SGCD: variants seen among roughly 807,000 people sequenced by gnomAD.
The protein encoded by SGCD is sarcoglycan delta.
Under a neutral mutation model 36.6 loss-of-function variants are expected in SGCD, and 18 were observed. The observed-to-expected ratio is 0.49, with a 90% CI of 0.34 to 0.73. The LOEUF is 0.73. SGCD is among the 30% of genes least tolerant of loss of function. The probability of loss-of-function intolerance (pLI) is 0.01; values close to 1 mark genes in which losing one functional copy is unlikely to be tolerated. For synonymous variants in SGCD, 133 were observed against 130.6 expected (o/e 1.02, Z -0.12); for missense variants, 387 against 346.7 (o/e 1.12, Z -0.92).
At chr5:156,573,220 A>G (rs1759794253) in intron 4 of SGCD, among the ~76,000 whole-genome samples, 1 of 152,158 alleles carries the variant, frequency 6.6e-6, no homozygotes, top group African/African-American at 2.4e-5. Context: ...TTAGAGTATG[A>G]AGGTCTCAGC....
intron 1 of SGCD, among the ~76,000 whole-genome samples, chr5:155,998,908 C>A: frequency 6.6e-6 from 1 of 152,120 alleles, no homozygotes; most frequent in East Asian, 1.9e-4. Context: ...TAGAAGTAAA[C>A]GTCCAAGCAG....
At chr5:156,527,401 T>G (rs1349481486) in intron 4 of SGCD, among the ~76,000 whole-genome samples, 2 of 152,230 alleles carry the variant, frequency 1.3e-5, no homozygotes, top group Non-Finnish European at 2.9e-5. Flanking sequence ...TATGAATTTT[T>G]GAAAGAGAGA....
intron 4 of SGCD, among the ~76,000 whole-genome samples, chr5:156,587,828 C>G (rs546528368): frequency 2.8e-4 from 43 of 152,084 alleles, no homozygotes; most frequent in Non-Finnish European, 5.3e-4. Context: ...TCAGGGAAGT[C>G]CCCCAAACAT....
chr5:156,339,032 G>A (rs1768507661), intron 2 of SGCD, among the ~76,000 whole-genome samples: 1 of 152,142 alleles, frequency 6.6e-6, no homozygotes, highest in Admixed American at 6.5e-5. Flanking sequence ...GAGACCATGA[G>A]GTTACAGCTC....
At chr5:155,813,139 C>T in the SGCD span, among the ~76,000 whole-genome samples, 49 of 151,560 alleles carry the variant, frequency 3.2e-4, no homozygotes, top group African/African-American at 1.1e-3. Context: ...ATCACAATGA[C>T]TATGTGGAGG....
chr5:156,754,236 C>T (rs1389778820), intron 7 of SGCD, among the ~76,000 whole-genome samples: 1 of 152,174 alleles, frequency 6.6e-6, no homozygotes, highest in African/African-American at 2.4e-5. Flanking sequence ...TCTGAAATGC[C>T]AGTCCTGCAT....
intron 3 of SGCD, among the ~76,000 whole-genome samples, chr5:156,362,062 G>A (rs1240647190): frequency 6.6e-6 from 1 of 152,234 alleles, no homozygotes; most frequent in African/African-American, 2.4e-5. Context: ...AGGACTTAGA[G>A]TAGGCTGTCT....
rs115053270 is a variant in SGCD at position 156,207,446 on chromosome 5, A to C, written c.-44+83427A>C. The stretch of plus-strand genomic sequence containing the variant: ...CTCTAATGTCTTTAATAGTTCGAAA[A>C]TGTGCTCATGATTTTAATTATACTA... On this transcript the variant is annotated intron_variant, in intron 3 of 9. Coordinates refer to the SGCD transcript ENST00000517913. Among the ~76,000 whole-genome samples the C allele has an allele frequency of 5.6e-3, 851 of 152,272 alleles. 4 individuals carry two copies. Among genetic ancestry groups the C allele is most frequent in the African/African-American group, 0.018 (758 of 41,572 alleles).
At chr5:155,764,265 G>A in the SGCD span, among the ~76,000 whole-genome samples, 1 of 152,290 alleles carries the variant, frequency 6.6e-6, no homozygotes, top group East Asian at 1.9e-4. Flanking sequence ...ACTTTAAATA[G>A]CATAGTAGTT....
At chr5:156,740,376 T>G (rs1308233294) in intron 7 of SGCD, among the ~76,000 whole-genome samples, 1 of 152,256 alleles carries the variant, frequency 6.6e-6, no homozygotes, top group African/African-American at 2.4e-5. Context: ...CGAGTGCTAA[T>G]GAACTTCAGG....
chr5:156,370,476 C>T (rs1054525678), intron 3 of SGCD, among the ~76,000 whole-genome samples: 2 of 152,130 alleles, frequency 1.3e-5, no homozygotes, highest in Non-Finnish European at 2.9e-5. Flanking sequence ...AGGTAACTTG[C>T]CCATGTAAGA....
At chr5:156,115,167 T>C (rs1761880173) in intron 1 of SGCD, among the ~76,000 whole-genome samples, 1 of 152,048 alleles carries the variant, frequency 6.6e-6, no homozygotes, top group Non-Finnish European at 1.5e-5. Flanking sequence ...TTAATTTCTG[T>C]TTGTAAGTGC....
At chr5:156,049,627 G>T (rs1324166201) in intron 1 of SGCD, among the ~76,000 whole-genome samples, 1 of 146,514 alleles carries the variant, frequency 6.8e-6, no homozygotes, top group African/African-American at 2.5e-5. Flanking sequence ...AATATATTTT[G>T]TAAGTCTATA....
intron 7 of SGCD, among the ~76,000 whole-genome samples, chr5:156,675,561 G>A (rs535012833): frequency 6.6e-6 from 1 of 152,250 alleles, no homozygotes; most frequent in Admixed American, 6.5e-5. Context: ...TCATAGCAAA[G>A]GTATTTGCCT....
In SGCD at chr5:156,344,523, C is replaced by T. The variant is rs1768840932; in HGVS notation, c.38C>T (p.Thr13Ile). Residue 13 changes from threonine to isoleucine, a missense_variant, in exon 3 of 9, where the codon ACC (threonine) becomes ATC (isoleucine). By Grantham distance (89) the Thr-to-Ile change is moderately conservative. Transcript: ENST00000337851. ...PQEQYTHHRS[T>I]MPGSVGPQVY... ...GAGCAGTACACTCACCACCGGAGCA[C>T]CATGCCTGGCTCTGTGGGGCCACAG... 2.5e-6 allele frequency: 4 copies of T among 1,609,084 alleles called. No homozygotes were observed. The highest frequency in any genetic ancestry group is 3.4e-5 in the Admixed American group (2 of 59,472).
At chr5:156,266,335 T>C (rs1448500016) in intron 3 of SGCD, among the ~76,000 whole-genome samples, 1 of 152,214 alleles carries the variant, frequency 6.6e-6, no homozygotes, top group Admixed American at 6.5e-5. Context: ...CTGGTCCCAA[T>C]AGCAGAATTA....
chr5:156,409,127 C>CT (rs535463239), intron 3 of SGCD, among the ~76,000 whole-genome samples: 145 of 152,150 alleles, frequency 9.5e-4, no homozygotes, highest in Non-Finnish European at 1.5e-3. Flanking sequence ...GCCATACTTG[C>CT]TTTTTTTTAC....
chr5:156,640,091 T>C (rs1762974111), intron 6 of SGCD, among the ~76,000 whole-genome samples: 1 of 152,154 alleles, frequency 6.6e-6, no homozygotes, highest in African/African-American at 2.4e-5. Context: ...TTCCATCAGC[T>C]TCTTGTACTA....
intron 7 of SGCD, among the ~76,000 whole-genome samples, chr5:156,700,978 A>C (rs973817584): frequency 1.3e-5 from 2 of 151,242 alleles, no homozygotes; most frequent in Non-Finnish European, 2.9e-5. Context: ...GAGAAAGAAG[A>C]AACCTTCCTT....
Sources: allele counts gnomAD v4.1 joint callset (sites outside exome capture counted in the v4.1 genomes callset), GRCh38; gene constraint gnomAD v4.1.1; transcripts MANE v1.5; gene names NCBI Gene and HGNC (gene_info 2026-07-23, HGNC 2026-07-21).